KCNH5: variants seen among roughly 807,000 people sequenced by gnomAD.
The protein encoded by KCNH5 is voltage-gated delayed rectifier potassium channel KCNH5.
Under a neutral mutation model 96.1 loss-of-function variants are expected in KCNH5, and 46 were observed. That is an observed-to-expected ratio of 0.48 (90% CI 0.38 to 0.61). The LOEUF is 0.61. KCNH5 is among the 20% of genes least tolerant of loss of function. The pLI is 0.00. For missense variants in KCNH5, 907 were observed against 1,225.8 expected, an observed-to-expected ratio of 0.74 and a Z score of 3.88; for synonymous variants, 439 against 449.8, an observed-to-expected ratio of 0.98 and a Z score of 0.30.
chr14:63,003,178 T>G (rs1414885754), intron 3 of KCNH5, among the ~76,000 whole-genome samples: 1 of 152,032 alleles, frequency 6.6e-6, no homozygotes, highest in Non-Finnish European at 1.5e-5. Context: ...TGGGCTCTCT[T>G]TAAAACTGCT....
At chr14:62,788,939 T>C (rs926021362) in intron 9 of KCNH5, among the ~76,000 whole-genome samples, 2 of 152,152 alleles carry the variant, frequency 1.3e-5, no homozygotes, top group East Asian at 3.8e-4. Flanking sequence ...TCTATTATGG[T>C]GGTCTGGTAC....
chr14:62,885,772 T>C (rs1888583159), intron 7 of KCNH5, among the ~76,000 whole-genome samples: 2 of 152,204 alleles, frequency 1.3e-5, no homozygotes, highest in Non-Finnish European at 2.9e-5. Context: ...GTGATTTCAC[T>C]ACCTAAACAT....
In KCNH5 at chr14:62,810,484, C is replaced by A. The variant is rs559527159; in HGVS notation, c.1570-7903G>T. On this transcript the variant is annotated intron_variant, in intron 8 of 10. Transcript: ENST00000322893. ...TTCCAGAGAGTTAAGCCATTCTAAG[C>A]CACAGGATAAGATAAGAGGTTGGCA... is the stretch of plus-strand genomic sequence containing the variant. 8.5e-5 allele frequency among the ~76,000 whole-genome samples: 13 copies of A among 152,100 alleles called. No homozygotes were observed. In the South Asian group the frequency reaches 1.2e-3, roughly 15 times the overall value.
At chr14:62,811,544 ATACAG>A in intron 8 of KCNH5, among the ~76,000 whole-genome samples, 1 of 152,282 alleles carries the variant, frequency 6.6e-6, no homozygotes, top group East Asian at 1.9e-4. Flanking sequence ...TCTACCATGA[ATACAG>A]TATAGACACA....
intron 1 of KCNH5, among the ~76,000 whole-genome samples, chr14:63,041,816 A>T (rs1417952432): frequency 4.6e-5 from 7 of 152,256 alleles, no homozygotes; most frequent in African/African-American, 1.4e-4. Flanking sequence ...TAAGGAAAAT[A>T]AAAATCCAGT....
At chr14:62,764,306 T>C (rs868801392) in intron 10 of KCNH5, among the ~76,000 whole-genome samples, 6 of 152,208 alleles carry the variant, frequency 3.9e-5, no homozygotes, top group South Asian at 4.1e-4. Flanking sequence ...GAAAAGGCTT[T>C]TGGTAAAATT....
chr14:62,966,559 A>G (rs1052860031), intron 6 of KCNH5, among the ~76,000 whole-genome samples: 1 of 152,196 alleles, frequency 6.6e-6, no homozygotes, highest in Non-Finnish European at 1.5e-5. Context: ...CTAAAACTCT[A>G]TCTTACTGTC....
intron 1 of KCNH5, among the ~76,000 whole-genome samples, chr14:63,033,783 AT>A (rs11345648): frequency 0.2 from 29,762 of 146,054 alleles, 3,374 homozygotes; most frequent in East Asian, 0.37. Context: ...CATGGCAGGT[AT>A]TTTTTTTTTT....
At chr14:62,821,181 T>A (rs1455839281) in intron 8 of KCNH5, among the ~76,000 whole-genome samples, 2 of 151,798 alleles carry the variant, frequency 1.3e-5, no homozygotes, top group East Asian at 3.9e-4. Flanking sequence ...AGATGACATA[T>A]GTGCAGCCAA....
At chr14:62,819,387 C>T (rs1887068503) in intron 8 of KCNH5, among the ~76,000 whole-genome samples, 1 of 152,130 alleles carries the variant, frequency 6.6e-6, no homozygotes, top group Non-Finnish European at 1.5e-5. Flanking sequence ...TATGATTCCA[C>T]TTATATGAAA....
At chr14:62,945,300 C>T (rs1257588512) in intron 7 of KCNH5, among the ~76,000 whole-genome samples, 1 of 151,994 alleles carries the variant, frequency 6.6e-6, no homozygotes, top group Non-Finnish European at 1.5e-5. Context: ...ATGACTACAC[C>T]CCCAAAGGAA....
At chr14:62,723,065 C>T (rs1205638890) in intron 10 of KCNH5, among the ~76,000 whole-genome samples, 1 of 152,146 alleles carries the variant, frequency 6.6e-6, no homozygotes, top group Non-Finnish European at 1.5e-5. Flanking sequence ...CTTTAGCTCT[C>T]GCCTTGGAAG....
intron 8 of KCNH5, among the ~76,000 whole-genome samples, chr14:62,831,962 C>T (rs749488561): frequency 3.2e-4 from 48 of 152,168 alleles, no homozygotes; most frequent in Non-Finnish European, 6.3e-4. Flanking sequence ...ATCCTCCCAC[C>T]TTGGCCTCCC....
At chr14:62,939,868 A>G (rs754410567) in intron 7 of KCNH5, among the ~76,000 whole-genome samples, 20 of 152,040 alleles carry the variant, frequency 1.3e-4, no homozygotes, top group Non-Finnish European at 2.6e-4. Flanking sequence ...TGAACCCAGG[A>G]GGCGGAGGCT....
rs545645049 is a variant in KCNH5, at chr14:63,018,558, G to T, written c.74-1604C>A. ...TAGAGAAGCTTGAAAAACACCTCAAGCCTTCCATCTAAACAGAGAAGGCCA... is the reference window on the plus strand; with the variant it reads ...TAGAGAAGCTTGAAAAACACCTCAATCCTTCCATCTAAACAGAGAAGGCCA... On this transcript the variant is annotated intron_variant, in intron 1 of 10. Transcript: ENST00000322893. Among the ~76,000 whole-genome samples the T allele has an allele frequency of 3.3e-5, 5 of 152,076 alleles. No individual in the cohort carries two copies. The South Asian group carries it at 8.3e-4, about 25-fold the overall frequency.
At chr14:62,726,178 C>T (rs1299625515) in intron 10 of KCNH5, among the ~76,000 whole-genome samples, 5 of 151,530 alleles carry the variant, frequency 3.3e-5, no homozygotes, top group Admixed American at 6.6e-5. Flanking sequence ...TAATGTGATA[C>T]GTAAAAAAAC....
In KCNH5 at chr14:62,701,953, T is replaced by C. The variant is rs1884354772; in HGVS notation, c.*5555A>G. ...AACATCAGTGCAATCAATAAAAATA[T>C]CTGAATAATCTACTTAAAACCCAAT... is the stretch of plus-strand genomic sequence containing the variant. On this transcript the variant is annotated 3_prime_UTR_variant, in exon 11 of 11. Transcript: ENST00000322893. The C allele has an allele frequency of 6.6e-6, 1 of 152,042 alleles. No individual in the cohort carries two copies. Among genetic ancestry groups the C allele is most frequent in the African/African-American group, 2.4e-5 (1 of 41,430 alleles). 9.4% of individuals were successfully genotyped at this position (152,042 alleles called of 1,614,324 possible). A position where few individuals can be genotyped will look rare whatever the true frequency, so the allele number is the denominator to read the frequency against.
intron 7 of KCNH5, among the ~76,000 whole-genome samples, chr14:62,851,907 T>A (rs1406060458): frequency 1.3e-5 from 2 of 152,150 alleles, no homozygotes; most frequent in African/African-American, 4.8e-5. Flanking sequence ...ACATTAAATG[T>A]ACACACAAAA....
At position 63,005,868 on chromosome 14, in the gene KCNH5, G is replaced by A. The variant is rs532575734; in HGVS notation, c.304+498C>T. On this transcript the variant is annotated intron_variant, in intron 3 of 10. Coordinates refer to ENST00000322893, the MANE Select transcript of KCNH5 (RefSeq NM_139318.5). ...GTGAATGACTTGTTCTGAGAACAAC[G>A]ACTACTTCTACTAGGCTTTCTCACA... Among the ~76,000 whole-genome samples the A allele has an allele frequency of 1.8e-4, 28 of 152,248 alleles. No homozygotes were observed. The Middle Eastern group carries it at 0.014, about 74-fold the overall frequency.
Sources: gnomAD v4.1 joint callset for allele counts (sites outside exome capture counted in the v4.1 genomes callset) on GRCh38, gnomAD v4.1.1 for gene constraint, MANE v1.5 for transcripts, NCBI Gene and HGNC (gene_info 2026-07-23, HGNC 2026-07-21) for gene names.